Variants in SLC25A37 observed in about 807,000 individuals in gnomAD.
SLC25A37 encodes solute carrier family 25 member 37.
In SLC25A37, 17 loss-of-function variants were observed where a neutral mutation model predicts 31.0. That is an observed-to-expected ratio of 0.55 (90% CI 0.38 to 0.82). The LOEUF (loss-of-function observed/expected upper bound fraction) is 0.82, where lower values mean the gene tolerates loss of function less well. Ranked by LOEUF, SLC25A37 falls within the 40% of genes least tolerant of loss-of-function variation. The pLI, the probability that SLC25A37 is intolerant of heterozygous loss-of-function variation, is 0.00. For missense variants in SLC25A37, 404 were observed against 465.8 expected, an observed-to-expected ratio of 0.87 and a Z score of 1.22; for synonymous variants, 222 against 193.0, an observed-to-expected ratio of 1.15 and a Z score of -1.24.
At chr8:23,546,539 A>ATAGG (rs1554497866) in intron 1 of SLC25A37, among the ~76,000 whole-genome samples, 9 of 24,484 alleles carry the variant, frequency 3.7e-4, no homozygotes, top group Admixed American at 1.1e-3. Flanking sequence ...GTGTATATAT[A>ATAGG]TATATATATA....
chr8:23,559,530 A>G (rs1802457916), intron 1 of SLC25A37, among the ~76,000 whole-genome samples: 1 of 152,192 alleles, frequency 6.6e-6, no homozygotes, highest in Admixed American at 6.5e-5. Flanking sequence ...TTTTAAGCAT[A>G]CAGTCCAGCG....
At chr8:23,543,826 G>A (rs11135745) in intron 1 of SLC25A37, among the ~76,000 whole-genome samples, 56,721 of 151,466 alleles carry the variant, frequency 0.37, 12,246 homozygotes, top group East Asian at 0.61. Flanking sequence ...GTGAGCCACT[G>A]CGCCCAGCAA....
At chr8:23,551,115 C>T (rs74752412) in intron 1 of SLC25A37, among the ~76,000 whole-genome samples, 271 of 152,330 alleles carry the variant, frequency 1.8e-3, no homozygotes, top group African/African-American at 6.3e-3. Flanking sequence ...TCAAAGGTCC[C>T]CAGAGCTGCC....
chr8:23,565,974 T>C, intron 1 of SLC25A37, 134 bp from the exon 2 acceptor site: 2 of 1,280,220 alleles, frequency 1.6e-6, no homozygotes, highest in Admixed American at 3.5e-5. Flanking sequence ...ATTTCAAATA[T>C]GTTTCCTTCC....
intron 1 of SLC25A37, among the ~76,000 whole-genome samples, chr8:23,546,539 A>ATATAGG (rs1554497867): frequency 4.1e-5 from 1 of 24,482 alleles, no homozygotes; most frequent in Non-Finnish European, 7.0e-5. Context: ...GTGTATATAT[A>ATATAGG]TATATATATA....
At chr8:23,536,430 C>A (rs1211041151) in intron 1 of SLC25A37, among the ~76,000 whole-genome samples, 1 of 152,342 alleles carries the variant, frequency 6.6e-6, no homozygotes, top group Middle Eastern at 3.4e-3. Flanking sequence ...CCTGGCCCAC[C>A]CTGCTGCCTC....
chr8:23,539,556 T>TG (rs1490884615), intron 1 of SLC25A37, among the ~76,000 whole-genome samples: 2 of 152,198 alleles, frequency 1.3e-5, no homozygotes, highest in East Asian at 3.9e-4. Flanking sequence ...GTCACCAAAC[T>TG]GGGGCGGGGT....
intron 1 of SLC25A37, among the ~76,000 whole-genome samples, chr8:23,549,867 G>A (rs553504616): frequency 2.2e-5 from 3 of 138,416 alleles, no homozygotes; most frequent in South Asian, 2.2e-4. Flanking sequence ...CCAGACTGTG[G>A]CCAGGTGCAT....
At chr8:23,544,801 A>G (rs752292650) in intron 1 of SLC25A37, among the ~76,000 whole-genome samples, 6 of 152,088 alleles carry the variant, frequency 3.9e-5, no homozygotes, top group African/African-American at 1.4e-4. Flanking sequence ...GAGCTGAGAA[A>G]GTGTCTGTGG....
chr8:23,536,749 C>T (rs1801777438), intron 1 of SLC25A37, among the ~76,000 whole-genome samples: 1 of 152,202 alleles, frequency 6.6e-6, no homozygotes, highest in African/African-American at 2.4e-5. Flanking sequence ...TTTTCTCCCA[C>T]TGCTGCCCTG....
chr8:23,539,851 G>A (rs569841894), intron 1 of SLC25A37, among the ~76,000 whole-genome samples: 3 of 152,320 alleles, frequency 2.0e-5, no homozygotes, highest in African/African-American at 4.8e-5. Context: ...GCCTGGAGTG[G>A]CACCTGGTCA....
At chr8:23,547,999 G>A (rs567305822) in intron 1 of SLC25A37, among the ~76,000 whole-genome samples, 4 of 152,200 alleles carry the variant, frequency 2.6e-5, no homozygotes, top group East Asian at 3.9e-4. Flanking sequence ...AGGTCACCCC[G>A]CACTGCCAGC....
rs1164054602 is a variant in SLC25A37, at chr8:23,572,989, A to G, written c.*1134A>G. The G allele has an allele frequency of 6.6e-6, 1 of 152,242 alleles. No individual in the cohort carries two copies. Among genetic ancestry groups the G allele is most frequent in the East Asian group, 1.9e-4 (1 of 5,204 alleles). The allele number at this position is 152,242 out of a possible 1,614,324, so 9.4% of individuals were successfully genotyped here. A position where few individuals can be genotyped will look rare whatever the true frequency, so the allele number is the denominator to read the frequency against. ...TCTGCATCAGCCTTTTAACTCAGGC[A>G]CTTCAGGTAACGTGATCTATGTGTG... On this transcript the variant is annotated 3_prime_UTR_variant, in exon 4 of 4. Transcript: ENST00000519973.
Position 23,546,439 on chromosome 8 carries a change from A to C in SLC25A37, c.210+17227A>C, listed in dbSNP as rs1442709664. Among the ~76,000 whole-genome samples, 10 of 150,702 alleles carry C rather than the reference A, an allele frequency of 6.6e-5. No homozygotes were observed. In the East Asian group the frequency reaches 2.0e-3, roughly 29 times the overall value. On this transcript the variant is annotated intron_variant, in intron 1 of 3. Coordinates refer to ENST00000519973, the MANE Select transcript of SLC25A37 (RefSeq NM_016612.4). The stretch of plus-strand genomic sequence containing the variant: ...CTCTGTTAATGAAATTGTGCTTAAA[A>C]ATTTTTTTTTCTTGAACCTTGGCTT...
intron 1 of SLC25A37, among the ~76,000 whole-genome samples, chr8:23,540,830 G>A (rs1247868624): frequency 2.0e-5 from 3 of 152,160 alleles, no homozygotes; most frequent in Non-Finnish European, 2.9e-5. Context: ...CCCCTGGCAG[G>A]TCCGCTTACG....
chr8:23,554,153 T>G (rs1802303185), intron 1 of SLC25A37, among the ~76,000 whole-genome samples: 4 of 152,202 alleles, frequency 2.6e-5, no homozygotes, highest in African/African-American at 9.7e-5. Flanking sequence ...AGTCATTTGG[T>G]CTCTGTGCCT....
intron 1 of SLC25A37, among the ~76,000 whole-genome samples, chr8:23,534,374 C>T (rs76747814): frequency 0.014 from 2,140 of 152,310 alleles, 26 homozygotes; most frequent in Non-Finnish European, 0.022. Flanking sequence ...CAGTCTTTGA[C>T]TTACTGGTTG....
At chr8:23,532,686 G>C (rs1348641921) in intron 1 of SLC25A37, among the ~76,000 whole-genome samples, 1 of 152,210 alleles carries the variant, frequency 6.6e-6, no homozygotes, top group Non-Finnish European at 1.5e-5. Flanking sequence ...CCTAGGATGA[G>C]CCCTCCTTCC....
intron 1 of SLC25A37, among the ~76,000 whole-genome samples, chr8:23,563,654 G>T (rs2117448112): frequency 6.6e-6 from 1 of 152,320 alleles, no homozygotes; most frequent in East Asian, 1.9e-4. Context: ...CCAGTCTGTG[G>T]TAGGAAAAAG....
Sources: gnomAD v4.1 joint callset for allele counts (sites outside exome capture counted in the v4.1 genomes callset) on GRCh38, gnomAD v4.1.1 for gene constraint, MANE v1.5 for transcripts, NCBI Gene and HGNC (gene_info 2026-07-23, HGNC 2026-07-21) for gene names.